TRPC4: variants seen among roughly 807,000 people sequenced by gnomAD.
TRPC4 encodes transient receptor potential cation channel subfamily C member 4.
Under a neutral mutation model 99.4 loss-of-function variants are expected in TRPC4, and 49 were observed. The observed-to-expected ratio is 0.49, with a 90% CI of 0.39 to 0.63. TRPC4 has a LOEUF of 0.63. TRPC4 is among the 20% of genes least tolerant of loss of function. The pLI is 0.00. For missense variants in TRPC4, 898 were observed against 1,152.9 expected, an observed-to-expected ratio of 0.78 and a Z score of 3.20; for synonymous variants, 454 against 425.9, an observed-to-expected ratio of 1.07 and a Z score of -0.81.
rs190355976 is a variant in TRPC4 at position 37,790,373 on chromosome 13, A to G, written c.-27-7013T>C. Among the ~76,000 whole-genome samples the G allele has an allele frequency of 2.0e-5, 3 of 152,298 alleles. No homozygotes were observed. The East Asian group carries it at 5.8e-4, about 29-fold the overall frequency. ...TCTAAAGGAGGAGGGAAAATAGCAC[A>G]TCCCCCATGAGACTGCAACCACACA... On this transcript the variant is annotated intron_variant, in intron 1 of 10. Coordinates refer to ENST00000379705, the MANE Select transcript of TRPC4 (RefSeq NM_016179.4).
chr13:37,648,879 ATCTCT>A (rs2138593047), intron 8 of TRPC4, among the ~76,000 whole-genome samples: 1 of 152,294 alleles, frequency 6.6e-6, no homozygotes, highest in Non-Finnish European at 1.5e-5. Context: ...GTACAGATGG[ATCTCT>A]TAAAACATCA....
At chr13:37,811,182 C>G (rs142466494) in intron 1 of TRPC4, among the ~76,000 whole-genome samples, 22 of 152,164 alleles carry the variant, frequency 1.4e-4, no homozygotes, top group African/African-American at 5.1e-4. Flanking sequence ...AATCAAAACT[C>G]TATTTTATAA....
At position 37,632,558 on chromosome 13, in the gene TRPC4, G is replaced by C. The variant is rs987788244; in HGVS notation, c.*4345C>G. Among the ~76,000 whole-genome samples, 2 of 152,174 alleles carry C rather than the reference G, an allele frequency of 1.3e-5. No individual in the cohort carries two copies. The highest frequency in any genetic ancestry group is 4.8e-5 in the African/African-American group (2 of 41,454). On this transcript the variant is annotated 3_prime_UTR_variant, in exon 11 of 11. Coordinates refer to ENST00000379705, the MANE Select transcript of TRPC4 (RefSeq NM_016179.4). ...TAACGGTTTTGCTACTGGTGAATTT[G>C]ACTTGCAGAGACGTCTTCACTGTCA...
chr13:37,658,610 T>C (rs1952322957), intron 6 of TRPC4, among the ~76,000 whole-genome samples: 1 of 152,086 alleles, frequency 6.6e-6, no homozygotes, highest in Non-Finnish European at 1.5e-5. Flanking sequence ...CCAACAAATA[T>C]AAAAGGGCTT....
chr13:37,732,116 G>A (rs902287960), intron 3 of TRPC4, among the ~76,000 whole-genome samples: 1 of 152,056 alleles, frequency 6.6e-6, no homozygotes, highest in East Asian at 1.9e-4. Context: ...GCTAAAGATA[G>A]CAAAATAAAT....
chr13:37,704,084 T>C (rs528319030), intron 3 of TRPC4, among the ~76,000 whole-genome samples: 1 of 152,230 alleles, frequency 6.6e-6, no homozygotes, highest in South Asian at 2.1e-4. Context: ...TTTTTTAAAT[T>C]ATGCAGAATG....
chr13:37,851,120 G>T (rs559739436), intron 1 of TRPC4, among the ~76,000 whole-genome samples: 1 of 152,194 alleles, frequency 6.6e-6, no homozygotes, highest in African/African-American at 2.4e-5. Context: ...AGGCCCACAG[G>T]CCCCACAGGT....
intron 1 of TRPC4, among the ~76,000 whole-genome samples, chr13:37,798,295 G>A (rs1206170423): frequency 5.3e-5 from 8 of 151,982 alleles, no homozygotes; most frequent in African/African-American, 7.2e-5. Flanking sequence ...CCTAGAGCTC[G>A]GCTATTTCTC....
rs1233666801 is a variant in TRPC4 at position 37,637,182 on chromosome 13, T to C, written c.2655A>G (p.Gln885=). The change falls in exon 11 of 11, where the codon CAA becomes CAG. Residue 885 remains glutamine, a synonymous_variant. Transcript: ENST00000379705. ...QAAGPLERNI[Q]LESRGLASRG... is the part of the protein sequence containing the mutation. ...GTGAAGCTAATCCTCGAGATTCCAG[T>C]TGAATATTTCTCTCAAGTGGTCCTG... 6.2e-7 allele frequency: 1 copy of C among 1,613,788 alleles called. No homozygotes were observed. Among genetic ancestry groups the C allele is most frequent in the African/African-American group, 1.3e-5 (1 of 74,914 alleles).
intron 7 of TRPC4, among the ~76,000 whole-genome samples, chr13:37,653,518 C>T (rs1261782589): frequency 6.6e-6 from 1 of 152,048 alleles, no homozygotes; most frequent in Admixed American, 6.6e-5. Context: ...TAAGCAAATG[C>T]TTGGCATGTT....
At chr13:37,809,429 C>A (rs1218495110) in intron 1 of TRPC4, among the ~76,000 whole-genome samples, 2 of 149,620 alleles carry the variant, frequency 1.3e-5, no homozygotes, top group African/African-American at 2.5e-5. Flanking sequence ...AAATCATTAC[C>A]AAAAGGCTTC....
intron 3 of TRPC4, among the ~76,000 whole-genome samples, chr13:37,693,570 A>C (rs1460444943): frequency 6.6e-6 from 1 of 152,196 alleles, no homozygotes; most frequent in East Asian, 1.9e-4. Context: ...GCTGTCCTTG[A>C]AGCAAGACTT....
chr13:37,637,611 G>C lies in TRPC4; in HGVS notation c.2226C>G (p.Asp742Glu). Reference sequence around the variant, plus strand: ...GGACTTCAAAGCGGAAACTAGAAATGTCTTGCTTTAGTTCCTACGTAGAAT... The same window carrying C: ...GGACTTCAAAGCGGAAACTAGAAATCTCTTGCTTTAGTTCCTACGTAGAAT... ...TEENFKELKQ[D>E]ISSFRFEVLG... is the part of the protein sequence containing the mutation. The change falls in exon 11 of 11, where the codon GAC (aspartate) becomes GAG (glutamate). Residue 742 changes from aspartate (D) to glutamate (E), a missense_variant. Physicochemically the swap from Asp to Glu is conservative, Grantham distance 45 (BLOSUM62 2). Around this residue, in one of 3 missense-constraint regions of TRPC4, gnomAD observed 346 missense variants for 351.4 expected, o/e 0.98. Coordinates refer to ENST00000379705, the MANE Select transcript of TRPC4 (RefSeq NM_016179.4). The C allele has an allele frequency of 1.3e-6, 2 of 1,587,486 alleles. No individual in the cohort carries two copies. Among genetic ancestry groups the C allele is most frequent in the Non-Finnish European group, 1.7e-6 (2 of 1,170,866 alleles).
In TRPC4 at chr13:37,701,951, A is replaced by AT. The variant is rs564931783; in HGVS notation, c.898-9617dup. On this transcript the variant is annotated intron_variant, in intron 3 of 10. Transcript: ENST00000379705. ...TAAATTAGGTGGCTTAAAACAACATATTTTTTTTTTCTCATAGTTCTGAAA... is the reference window on the plus strand; with the variant it reads ...TAAATTAGGTGGCTTAAAACAACATATTTTTTTTTTTCTCATAGTTCTGAAA... Among the ~76,000 whole-genome samples, 997 of 150,324 alleles carry AT rather than the reference A, an allele frequency of 6.6e-3. 7 individuals are homozygous for AT. The highest frequency in any genetic ancestry group is 0.023 in the African/African-American group (946 of 41,052).
intron 3 of TRPC4, among the ~76,000 whole-genome samples, chr13:37,727,228 A>C (rs1955094713): frequency 6.6e-6 from 1 of 152,152 alleles, no homozygotes; most frequent in African/African-American, 2.4e-5. Flanking sequence ...TATCATACAA[A>C]GTATCTTTTC....
At chr13:37,734,228 C>A (rs564465453) in intron 3 of TRPC4, among the ~76,000 whole-genome samples, 1 of 152,142 alleles carries the variant, frequency 6.6e-6, no homozygotes, top group East Asian at 1.9e-4. Flanking sequence ...TTAGGAAAGT[C>A]TCCCATAAAA....
intron 1 of TRPC4, among the ~76,000 whole-genome samples, chr13:37,801,657 G>T (rs1301384524): frequency 6.6e-6 from 1 of 152,052 alleles, no homozygotes; most frequent in East Asian, 1.9e-4. Context: ...TGGGCACTAA[G>T]TGGGTATTAC....
At chr13:37,825,205 G>T (rs1410024071) in intron 1 of TRPC4, among the ~76,000 whole-genome samples, 2 of 151,430 alleles carry the variant, frequency 1.3e-5, no homozygotes, top group Non-Finnish European at 2.9e-5. Context: ...CTATTTTGTT[G>T]ATCCTTTCAA....
At chr13:37,684,770 C>A (rs986723043) in intron 4 of TRPC4, among the ~76,000 whole-genome samples, 2 of 149,358 alleles carry the variant, frequency 1.3e-5, no homozygotes, top group South Asian at 2.1e-4. Flanking sequence ...ATATTTATTT[C>A]TTTCGATTTT....
Sources: gnomAD v4.1 joint callset for allele counts (sites outside exome capture counted in the v4.1 genomes callset) on GRCh38, gnomAD v4.1.1 for gene constraint, gnomAD v4.1.1 regional missense constraint, MANE v1.5 for transcripts, NCBI Gene and HGNC (gene_info 2026-07-23, HGNC 2026-07-21) for gene names.